The following RNF38 variants were observed in gnomAD, a reference collection of about 807,000 sequenced individuals.
RNF38 encodes E3 ubiquitin-protein ligase RNF38.
In RNF38, 15 loss-of-function variants were observed where a neutral mutation model predicts 67.2. That is an observed-to-expected ratio of 0.22 (90% confidence interval 0.15 to 0.34). The LOEUF is 0.34. Among genes scored for constraint, RNF38 ranks in the 10% least tolerant of loss-of-function variants. The pLI, the probability that RNF38 is intolerant of heterozygous loss-of-function variation, is 1.00. For missense variants in RNF38, 524 were observed against 639.9 expected, an observed-to-expected ratio of 0.82 and a Z score of 1.95; for synonymous variants, 220 against 218.8, an observed-to-expected ratio of 1.01 and a Z score of -0.05.
intron 2 of RNF38, among the ~76,000 whole-genome samples, chr9:36,422,408 C>T (rs1838654068): frequency 6.6e-6 from 1 of 151,310 alleles, no homozygotes; most frequent in Non-Finnish European, 1.5e-5. Flanking sequence ...CGAAGGGAGA[C>T]TCAGTCTACC....
exon 1 of RNF38, chr9:36,487,362 G>A (rs1325413526): frequency 3.4e-5 from 33 of 984,240 alleles, no homozygotes; most frequent in Non-Finnish European, 3.7e-5. Flanking sequence ...GCCCGGAGAG[G>A]CCCGTGGCCC....
intron 1 of RNF38, among the ~76,000 whole-genome samples, chr9:36,484,489 C>T (rs1364344102): frequency 6.6e-6 from 1 of 152,080 alleles, no homozygotes; most frequent in African/African-American, 2.4e-5. Context: ...TTAGAGTATA[C>T]TAAATATCTC....
intron 2 of RNF38, among the ~76,000 whole-genome samples, chr9:36,385,713 A>AT (rs1422161445): frequency 6.6e-6 from 1 of 152,148 alleles, no homozygotes; most frequent in African/African-American, 2.4e-5. Flanking sequence ...AAACCATTAC[A>AT]TCTGAGAAGT....
At chr9:36,359,501 T>A (rs564248319) in intron 4 of RNF38, among the ~76,000 whole-genome samples, 2 of 152,286 alleles carry the variant, frequency 1.3e-5, no homozygotes, top group South Asian at 4.1e-4. Flanking sequence ...ACCATCTTTT[T>A]AAAAATTCAT....
chr9:36,447,168 T>C (rs1219228846), intron 1 of RNF38, among the ~76,000 whole-genome samples: 1 of 151,744 alleles, frequency 6.6e-6, no homozygotes, highest in African/African-American at 2.4e-5. Flanking sequence ...GTGCTTGTGA[T>C]TAAGTGTGGC....
intron 7 of RNF38, 40 bp from the exon 8 acceptor site, chr9:36,352,888 G>C (rs535230922): frequency 1.5e-6 from 2 of 1,358,724 alleles, no homozygotes; most frequent in Admixed American, 3.5e-5. Flanking sequence ...ATCACTCTAC[G>C]TTTACAAATA....
chr9:36,405,414 T>C (rs1357443978), upstream of RNF38, among the ~76,000 whole-genome samples: 1 of 152,222 alleles, frequency 6.6e-6, no homozygotes, highest in Non-Finnish European at 1.5e-5. Flanking sequence ...CATTTTAGGC[T>C]TACTGTATTG....
chr9:36,466,654 TG>T (rs753029513), intron 1 of RNF38, among the ~76,000 whole-genome samples: 1 of 152,086 alleles, frequency 6.6e-6, no homozygotes, highest in African/African-American at 2.4e-5. Flanking sequence ...TATTATAAAG[TG>T]GGAAAAAAGC....
chr9:36,467,438 C>T (rs1839890005), intron 1 of RNF38, among the ~76,000 whole-genome samples: 1 of 151,616 alleles, frequency 6.6e-6, no homozygotes, highest in Admixed American at 6.6e-5. Flanking sequence ...GAGAAAACAG[C>T]CCAGTGCAAG....
At chr9:36,448,048 A>G (rs1212011682) in intron 1 of RNF38, among the ~76,000 whole-genome samples, 3 of 152,220 alleles carry the variant, frequency 2.0e-5, no homozygotes, top group Non-Finnish European at 4.4e-5. Context: ...TTTAAAGCTC[A>G]TCACATCTAC....
intron 2 of RNF38, among the ~76,000 whole-genome samples, chr9:36,424,362 G>A (rs572460213): frequency 2.0e-5 from 3 of 152,240 alleles, no homozygotes; most frequent in Admixed American, 2.0e-4. Flanking sequence ...CACCACGATG[G>A]GGACAGAGGC....
At chr9:36,414,985 CATCTTT>C (rs1838424223) in intron 2 of RNF38, among the ~76,000 whole-genome samples, 1 of 152,124 alleles carries the variant, frequency 6.6e-6, no homozygotes, top group Admixed American at 6.6e-5. Flanking sequence ...TTCTTTTCTT[CATCTTT>C]ATTTTAGTTA....
intron 1 of RNF38, among the ~76,000 whole-genome samples, chr9:36,473,777 G>T (rs1840053642): frequency 6.6e-6 from 1 of 150,888 alleles, no homozygotes; most frequent in Non-Finnish European, 1.5e-5. Context: ...ACAAGGTCAG[G>T]AGTTCAAGAC....
chr9:36,473,564 G>A (rs145410042), intron 1 of RNF38, among the ~76,000 whole-genome samples: 7,628 of 151,778 alleles, frequency 0.05, 592 homozygotes, highest in African/African-American at 0.17. Context: ...CACCAGCTCG[G>A]GCAACAAGAG....
intron 1 of RNF38, among the ~76,000 whole-genome samples, chr9:36,477,876 C>A (rs890208423): frequency 1.3e-4 from 20 of 151,208 alleles, no homozygotes; most frequent in African/African-American, 4.1e-4. Context: ...ACTCATTGTC[C>A]CAGCTACTCA....
At chr9:36,401,130 G>T, upstream of RNF38, 5 of 984,880 alleles carry the variant, frequency 5.1e-6, no homozygotes, top group Non-Finnish European at 4.8e-6. Flanking sequence ...CCACCGGAGC[G>T]CTCCTCCCTT....
In RNF38 at chr9:36,441,513, C is replaced by T. The variant is rs566597283; in HGVS notation, n.242-16830G>A. On this transcript the variant is annotated intron_variant and non_coding_transcript_variant, in intron 1 of 3. Transcript: ENST00000488058. ...GCTAATTTTTCTATTTTTAGTAGAG[C>T]GGGGTTTCACCACACTGGCTGGGCT... Among the ~76,000 whole-genome samples, 10 of 152,004 alleles carry T rather than the reference C, an allele frequency of 6.6e-5. No homozygotes were observed. The East Asian group carries it at 9.7e-4, about 15-fold the overall frequency.
At chr9:36,480,245 C>G (rs964418591) in intron 1 of RNF38, among the ~76,000 whole-genome samples, 7 of 152,136 alleles carry the variant, frequency 4.6e-5, no homozygotes, top group Non-Finnish European at 1.0e-4. Context: ...TCCCAAAGTG[C>G]TGAGATTACA....
intron 1 of RNF38, among the ~76,000 whole-genome samples, chr9:36,446,778 A>G (rs1839310228): frequency 1.5e-5 from 2 of 131,810 alleles, no homozygotes; most frequent in Admixed American, 1.8e-4. Context: ...ACTGCACTTC[A>G]GCCTGGGCGA....
Sources: allele counts gnomAD v4.1 joint callset (sites outside exome capture counted in the v4.1 genomes callset), GRCh38; gene constraint gnomAD v4.1.1; transcripts MANE v1.5; gene names NCBI Gene and HGNC (gene_info 2026-07-23, HGNC 2026-07-21).